Variants in EIF5A observed in about 807,000 individuals in gnomAD.
EIF5A encodes eukaryotic translation initiation factor 5A-1.
EIF5A carries 1 observed loss-of-function variant against 16.6 expected under a neutral mutation model. That is an observed-to-expected ratio of 0.06 (90% CI 0.02 to 0.28). EIF5A has a LOEUF of 0.28. Among genes scored for constraint, EIF5A ranks in the 10% least tolerant of loss-of-function variants. The pLI is 1.00. For missense variants in EIF5A, 29 were observed against 196.1 expected (o/e 0.15, Z 5.09); for synonymous variants, 80 against 73.6 (o/e 1.09, Z -0.44).
At chr17:7,308,572 A>G in intron 1 of EIF5A, 1 of 1,350,730 alleles carries the variant, frequency 7.4e-7, no homozygotes, top group Non-Finnish European at 9.8e-7. Flanking sequence ...GCGGTCAGCC[A>G]GGTGTAAGTG....
chr17:7,310,074 T>G, intron 2 of EIF5A: 1 of 1,428,010 alleles, frequency 7.0e-7, no homozygotes. Flanking sequence ...TCATAGGCCT[T>G]TATGCTCTAG....
chr17:7,307,747 C>A lies in EIF5A; in HGVS notation c.-27C>A. The A allele has an allele frequency of 2.0e-6, 2 of 1,004,414 alleles. No individual in the cohort carries two copies. Among genetic ancestry groups the A allele is most frequent in the Non-Finnish European group, 2.4e-6 (2 of 842,788 alleles). 62.2% of individuals were successfully genotyped at this position (1,004,414 alleles called of 1,614,324 possible). On this transcript the variant is annotated 5_prime_UTR_variant, in exon 1 of 6. Coordinates refer to ENST00000336458, the MANE Select transcript of EIF5A (RefSeq NM_001970.5). ...GGACGGGGTCGAGTCAGTGCGTTCGCGCGAGGTGAGAGCGGGCAGGGCGCG... is the reference window on the plus strand; with the variant it reads ...GGACGGGGTCGAGTCAGTGCGTTCGAGCGAGGTGAGAGCGGGCAGGGCGCG...
intron 1 of EIF5A, chr17:7,308,457 G>A (rs774031733): frequency 3.0e-6 from 4 of 1,340,428 alleles, no homozygotes; most frequent in Non-Finnish European, 3.9e-6. Context: ...GAAGCCGGAG[G>A]CTCGGGTCCT....
chr17:7,311,196 C>G lies in EIF5A; in HGVS notation c.270+74C>G. 8.8e-6 allele frequency: 14 copies of G among 1,584,040 alleles called. No individual in the cohort carries two copies. In the Admixed American group the frequency reaches 1.7e-4, roughly 20 times the overall value. On this transcript the variant is annotated intron_variant, in intron 3 of 5. Transcript: ENST00000336458. ...GAGGGGTTGGGGGATAGGGACTGAC[C>G]AGGAGAGCTTGTGCTGGGAGAGAGG...
chr17:7,308,520 G>C (rs753786779), intron 1 of EIF5A: 1 of 1,351,614 alleles, frequency 7.4e-7, no homozygotes, highest in South Asian at 1.1e-5. Flanking sequence ...CCAACCTCAA[G>C]GGCCCCAGGA....
chr17:7,310,081 C>T (rs1567612229), intron 2 of EIF5A: 1 of 1,416,676 alleles, frequency 7.1e-7, no homozygotes, highest in Non-Finnish European at 9.3e-7. Flanking sequence ...CCTTTATGCT[C>T]TAGCTATTCA....
rs538040242 is a variant in EIF5A at position 7,312,295 on chromosome 17, CT to C, written c.*488del. On this transcript the variant is annotated 3_prime_UTR_variant, in exon 6 of 6. Transcript: ENST00000336458. ...CCTGCCTGTGTCTCTCCCCAAACCC[CT>C]TTAGATGGGGAGGGAAGAGGAGGAG... The C allele has an allele frequency of 5.2e-6, 1 of 193,026 alleles. No individual in the cohort carries two copies. Among genetic ancestry groups the C allele is most frequent in the Admixed American group, 5.5e-5 (1 of 18,066 alleles). The allele number at this position is 193,026 out of a possible 1,614,324, so 12.0% of individuals were successfully genotyped here.
chr17:7,309,770 T>C lies in EIF5A; in HGVS notation c.135T>C (p.Thr45=). 6.2e-7 allele frequency: 1 copy of C among 1,614,244 alleles called. No homozygotes were observed. The highest frequency in any genetic ancestry group is 8.5e-7 in the Non-Finnish European group (1 of 1,180,050). ...GRPCKIVEMS[T]SKTGKHGHAK... The stretch of plus-strand genomic sequence containing the variant: ...CATGTAAGATCGTCGAGATGTCTAC[T>C]TCGAAGACTGGCAAGCACGGCCACG... Residue 45 remains threonine (T), a synonymous_variant, in exon 2 of 6, where the codon ACT becomes ACC. Transcript: ENST00000336458.
Position 7,310,009 on chromosome 17 carries a change from G to A in EIF5A, c.165+209G>A, listed in dbSNP as rs533212587. On this transcript the variant is annotated intron_variant, in intron 2 of 5. Coordinates refer to ENST00000336458, the MANE Select transcript of EIF5A (RefSeq NM_001970.5). ...CTTCTGTGGTTACCCTTCTGTCCCC[G>A]CATCATTCTCTGGCAGTCCCTCCGT... is the stretch of plus-strand genomic sequence containing the variant. The A allele has an allele frequency of 1.8e-4, 278 of 1,520,124 alleles. 1 individual carries two copies. The highest frequency in any genetic ancestry group is 2.1e-4 in the Non-Finnish European group (242 of 1,136,510). The allele number at this position is 1,520,124 out of a possible 1,614,324, so 94.2% of individuals were successfully genotyped here.
At chr17:7,308,080 C>T (rs911439727) in intron 1 of EIF5A, 1 of 990,498 alleles carries the variant, frequency 1.0e-6, no homozygotes, top group South Asian at 4.2e-5. Flanking sequence ...GGTACCTGGG[C>T]CGTTGAGGAC....
At chr17:7,308,233 A>C in intron 1 of EIF5A, 1 of 1,022,526 alleles carries the variant, frequency 9.8e-7, no homozygotes, top group South Asian at 2.5e-5. Flanking sequence ...CGGCCGCGGC[A>C]CCGGAAGTGC....
chr17:7,311,910 C>CT lies in EIF5A; in HGVS notation c.*101dup. 1.7e-6 allele frequency: 1 copy of CT among 586,514 alleles called. No individual in the cohort carries two copies. The highest frequency in any genetic ancestry group is 3.1e-6 in the Non-Finnish European group (1 of 321,168). 36.3% of individuals were successfully genotyped at this position (586,514 alleles called of 1,614,324 possible). ...GGCTCTGGCCCGGTCCTAAGCTGGA[C>CT]TCCTCCTACACAATTTATTTGACGT... is the stretch of plus-strand genomic sequence containing the variant. On this transcript the variant is annotated 3_prime_UTR_variant, in exon 6 of 6. Coordinates refer to ENST00000336458, the MANE Select transcript of EIF5A (RefSeq NM_001970.5).
At chr17:7,308,081 C>T (rs2072681247) in intron 1 of EIF5A, 1 of 985,726 alleles carries the variant, frequency 1.0e-6, no homozygotes, top group African/African-American at 1.8e-5. Flanking sequence ...GTACCTGGGC[C>T]GTTGAGGACC....
rs746507122 is a variant in EIF5A, at chr17:7,309,835, T to A, written c.165+35T>A. 16 of 1,614,008 alleles carry A rather than the reference T, an allele frequency of 9.9e-6. No homozygotes were observed. In the Admixed American group the frequency reaches 2.2e-4, roughly 22 times the overall value. ...TCACCTCCGCATCTTGCCTTCCCCA[T>A]GCCTCCAGTATCTTTGGCGCTCCCA... is the stretch of plus-strand genomic sequence containing the variant. On this transcript the variant is annotated intron_variant, in intron 2 of 5. Coordinates refer to ENST00000336458, the MANE Select transcript of EIF5A (RefSeq NM_001970.5).
intron 2 of EIF5A, 65 bp from the exon 3 acceptor site, chr17:7,310,953 T>A: frequency 6.5e-7 from 1 of 1,542,914 alleles, no homozygotes; most frequent in Non-Finnish European, 8.8e-7. Flanking sequence ...GCAAGGTCAA[T>A]TTGAGCCTTT....
chr17:7,311,282 G>C (rs1597621635), intron 3 of EIF5A, 68 bp from the exon 4 acceptor site: 1 of 1,611,780 alleles, frequency 6.2e-7, no homozygotes, highest in East Asian at 2.2e-5. Context: ...TTGTCTATCA[G>C]AGCCTTTACT....
In EIF5A at chr17:7,310,414, T is replaced by C. The variant is rs944954837; in HGVS notation, c.166-604T>C. 5.9e-6 allele frequency: 7 copies of C among 1,182,922 alleles called. No individual in the cohort carries two copies. In the African/African-American group the frequency reaches 9.6e-5, roughly 16 times the overall value. The allele number at this position is 1,182,922 out of a possible 1,614,324, so 73.3% of individuals were successfully genotyped here. Reference sequence around the variant, plus strand: ...ATCACCTCAGACTTTTCCTGTCTCTTTAGAATTTCAACCTGATTCGTTCTT... The same window carrying C: ...ATCACCTCAGACTTTTCCTGTCTCTCTAGAATTTCAACCTGATTCGTTCTT... On this transcript the variant is annotated intron_variant, in intron 2 of 5. Coordinates refer to ENST00000336458, the MANE Select transcript of EIF5A (RefSeq NM_001970.5).
intron 1 of EIF5A, chr17:7,308,453 G>C: frequency 7.5e-7 from 1 of 1,336,960 alleles, no homozygotes; most frequent in Non-Finnish European, 9.8e-7. Context: ...AGTGGAAGCC[G>C]GAGGCTCGGG....
At chr17:7,310,235 A>G in intron 2 of EIF5A, 1 of 1,290,190 alleles carries the variant, frequency 7.8e-7, no homozygotes, top group South Asian at 1.2e-5. Flanking sequence ...CTGAGCTTTC[A>G]GGTCACCTTG....
Sources: gnomAD v4.1 joint callset for allele counts on GRCh38, gnomAD v4.1.1 for gene constraint, MANE v1.5 for transcripts, NCBI Gene and HGNC (gene_info 2026-07-23, HGNC 2026-07-21) for gene names.